The following BCL9 variants were observed in gnomAD, a reference collection of about 807,000 sequenced individuals.
BCL9 encodes B-cell CLL/lymphoma 9 protein.
A neutral mutation model predicts 88.5 loss-of-function variants in BCL9; 25 were observed. The observed-to-expected ratio is 0.28, with a 90% CI of 0.21 to 0.39. The LOEUF is 0.39. Ranked by LOEUF, BCL9 falls within the 10% of genes least tolerant of loss-of-function variation. BCL9 has a pLI of 1.00. For synonymous variants in BCL9, 711 were observed against 673.3 expected (o/e 1.06, Z -0.87); for missense variants, 1,817 against 1,877.8 (o/e 0.97, Z 0.60).
intron 1 of BCL9, among the ~76,000 whole-genome samples, chr1:147,582,713 G>A (rs1352373049): frequency 3.3e-5 from 5 of 152,176 alleles, no homozygotes; most frequent in African/African-American, 4.8e-5. Flanking sequence ...AAGTATTTCT[G>A]AAGCAAAACT....
Position 147,618,841 on chromosome 1 carries a change from A to G in BCL9, c.686A>G (p.Asn229Ser), listed in dbSNP as rs149004972. The change falls in exon 8 of 10, where the codon AAT becomes AGT. Residue 229 changes from asparagine to serine, a missense_variant. Physicochemically the swap from Asn to Ser is conservative, Grantham distance 46. Around this residue, in one of 2 missense-constraint regions of BCL9, gnomAD observed 1,228 missense variants for 1,191.6 expected, o/e 1.03. Transcript: ENST00000234739. ...PLNTQISALR[N>S]DPKPLPQQPP... ...AACACACAGATATCTGCCCTTCGGAATGATCCGAAACCTCTCCCACAACAG... is the reference window on the plus strand; with the variant it reads ...AACACACAGATATCTGCCCTTCGGAGTGATCCGAAACCTCTCCCACAACAG... The G allele has an allele frequency of 2.0e-5, 31 of 1,568,406 alleles. No homozygotes were observed. Among genetic ancestry groups the G allele is most frequent in the Non-Finnish European group, 2.3e-5 (27 of 1,159,480 alleles).
chr1:147,620,407 G>T lies in BCL9; in HGVS notation c.2252G>T (p.Arg751Leu). Residue 751 changes from arginine to leucine, a missense_variant, in exon 8 of 10, where the codon CGC becomes CTC. This residue lies in a region of BCL9 where 1,228 missense variants were observed against 1,191.6 expected (regional missense o/e 1.03). Coordinates refer to ENST00000234739, the MANE Select transcript of BCL9 (RefSeq NM_004326.4). Reference sequence around the variant, plus strand: ...GGCCCTGAGGAGATGCTGAAATTACGCCCAGGTGGCTCAGACATGCTGCCT... The same window carrying T: ...GGCCCTGAGGAGATGCTGAAATTACTCCCAGGTGGCTCAGACATGCTGCCT... ...GAGPEEMLKLRPGGSDMLPAQ... is the reference protein window; with the variant it reads ...GAGPEEMLKLLPGGSDMLPAQ... 1.1e-5 allele frequency: 18 copies of T among 1,614,032 alleles called. No homozygotes were observed. The highest frequency in any genetic ancestry group is 1.5e-5 in the Non-Finnish European group (18 of 1,179,998).
intron 8 of BCL9, 45 bp from the exon 9 acceptor site, chr1:147,622,226 G>C (rs1658683246): frequency 6.2e-7 from 1 of 1,610,630 alleles, no homozygotes; most frequent in Non-Finnish European, 8.5e-7. Flanking sequence ...CCTTCAAAAG[G>C]AATCTAATTC....
At chr1:147,546,093 T>C (rs1654572304) in intron 1 of BCL9, among the ~76,000 whole-genome samples, 1 of 152,158 alleles carries the variant, frequency 6.6e-6, no homozygotes, top group African/African-American at 2.4e-5. Flanking sequence ...TCCCAGCACT[T>C]TGGGAGGCCG....
chr1:147,616,489 C>T (rs1273689809), intron 7 of BCL9, among the ~76,000 whole-genome samples: 3 of 152,028 alleles, frequency 2.0e-5, no homozygotes, highest in Admixed American at 1.3e-4. Context: ...ATACAGTGGC[C>T]GGGCGTGGTG....
chr1:147,622,869 G>A (rs1553205703), intron 9 of BCL9, among the ~76,000 whole-genome samples: 1 of 151,954 alleles, frequency 6.6e-6, no homozygotes, highest in Non-Finnish European at 1.5e-5. Flanking sequence ...TGATTGGAAT[G>A]TCTTTAGTCC....
At chr1:147,602,233 G>A (rs1166837321) in intron 1 of BCL9, among the ~76,000 whole-genome samples, 1 of 142,304 alleles carries the variant, frequency 7.0e-6, no homozygotes, top group Non-Finnish European at 1.5e-5. Context: ...TGTAGATGGA[G>A]TCTCACTCTG....
At chr1:147,575,346 C>A (rs587728495) in intron 1 of BCL9, among the ~76,000 whole-genome samples, 3 of 152,190 alleles carry the variant, frequency 2.0e-5, no homozygotes, top group Non-Finnish European at 4.4e-5. Context: ...AATATAATTT[C>A]ATTGTCTGCC....
chr1:147,561,501 A>G (rs1180092346), intron 1 of BCL9, among the ~76,000 whole-genome samples: 2 of 152,186 alleles, frequency 1.3e-5, no homozygotes, highest in African/African-American at 4.8e-5. Context: ...ATTCCCTCTT[A>G]TGATTATTCA....
intron 1 of BCL9, among the ~76,000 whole-genome samples, chr1:147,571,951 A>G (rs988189668): frequency 2.6e-5 from 4 of 152,104 alleles, no homozygotes; most frequent in Non-Finnish European, 4.4e-5. Context: ...CTGTTTGGGT[A>G]TAAGAGATAA....
chr1:147,623,248 C>G (rs1310390272), intron 9 of BCL9, among the ~76,000 whole-genome samples: 1 of 79,010 alleles, frequency 1.3e-5, no homozygotes, highest in Non-Finnish European at 2.5e-5. Flanking sequence ...CCCTGCCACA[C>G]TCGGTGGTAA....
chr1:147,609,399 C>G (rs782048434), intron 3 of BCL9, among the ~76,000 whole-genome samples: 7 of 152,164 alleles, frequency 4.6e-5, no homozygotes, highest in Non-Finnish European at 1.0e-4. Flanking sequence ...AACCCACATG[C>G]TTATTTCAAC....
chr1:147,585,681 T>C (rs1415859185), intron 1 of BCL9, among the ~76,000 whole-genome samples: 1 of 152,164 alleles, frequency 6.6e-6, no homozygotes, highest in Admixed American at 6.5e-5. Flanking sequence ...AAAGACACCT[T>C]GTTTATTATT....
chr1:147,625,093 G>A lies in BCL9; in HGVS notation c.*134G>A. On this transcript the variant is annotated 3_prime_UTR_variant, in exon 10 of 10. Coordinates refer to ENST00000234739, the MANE Select transcript of BCL9 (RefSeq NM_004326.4). ...CAGAGACCCGAGGGCTGCTTTGGGGGAGGGGGGAACTCGAGAATGTATGGA... is the reference window on the plus strand; with the variant it reads ...CAGAGACCCGAGGGCTGCTTTGGGGAAGGGGGGAACTCGAGAATGTATGGA... 9.0e-7 allele frequency: 1 copy of A among 1,108,238 alleles called. No individual in the cohort carries two copies. The highest frequency in any genetic ancestry group is 1.2e-6 in the Non-Finnish European group (1 of 813,930). The allele number at this position is 1,108,238 out of a possible 1,614,324, so 68.7% of individuals were successfully genotyped here. A position where few individuals can be genotyped will look rare whatever the true frequency, so the allele number is the denominator to read the frequency against.
chr1:147,602,270 G>T (rs1657435478), intron 1 of BCL9, among the ~76,000 whole-genome samples: 1 of 146,560 alleles, frequency 6.8e-6, no homozygotes, highest in Admixed American at 6.8e-5. Flanking sequence ...GCAGTGGCAC[G>T]ATCTCAGCTC....
chr1:147,567,230 G>T (rs1320029183), intron 1 of BCL9, among the ~76,000 whole-genome samples: 1 of 152,120 alleles, frequency 6.6e-6, no homozygotes, highest in Non-Finnish European at 1.5e-5. Flanking sequence ...ATTGGCTTTG[G>T]TGATGTTTTC....
chr1:147,600,061 A>G (rs1405059058), intron 1 of BCL9: 1 of 109,448 alleles, frequency 9.1e-6, no homozygotes, highest in Non-Finnish European at 1.8e-5. Flanking sequence ...GGCCGGCTGT[A>G]CCTTTCGTGG....
chr1:147,587,212 C>G (rs1181614530), intron 1 of BCL9, among the ~76,000 whole-genome samples: 2 of 152,084 alleles, frequency 1.3e-5, no homozygotes, highest in African/African-American at 4.8e-5. Context: ...CTGTGCTTCT[C>G]CAGACTTTAT....
At chr1:147,578,141 C>A (rs587746841) in intron 1 of BCL9, among the ~76,000 whole-genome samples, 1 of 152,122 alleles carries the variant, frequency 6.6e-6, no homozygotes, top group Admixed American at 6.5e-5. Flanking sequence ...CTCCTGCTGG[C>A]GAATGACTGT....
Sources: gnomAD v4.1 joint callset for allele counts (sites outside exome capture counted in the v4.1 genomes callset) on GRCh38, gnomAD v4.1.1 for gene constraint, gnomAD v4.1.1 regional missense constraint, MANE v1.5 for transcripts, NCBI Gene and HGNC (gene_info 2026-07-23, HGNC 2026-07-21) for gene names.